Variants in TMEM17 observed in about 807,000 individuals in gnomAD.
The protein encoded by TMEM17 is transmembrane protein 17.
In TMEM17, 15 loss-of-function variants were observed where a neutral mutation model predicts 19.1. The ratio of observed to expected loss-of-function variants is 0.78; its 90% CI spans 0.52 to 1.21. The LOEUF (loss-of-function observed/expected upper bound fraction) is 1.21, where lower values mean the gene tolerates loss of function less well. TMEM17 is among the 50% of genes most tolerant of loss of function. The pLI is 0.00. For synonymous variants in TMEM17, 103 were observed against 86.9 expected (o/e 1.19, Z -1.03); for missense variants, 245 against 242.3 (o/e 1.01, Z -0.07).
the TMEM17 span, among the ~76,000 whole-genome samples, chr2:62,486,444 T>C: frequency 5.9e-5 from 9 of 152,188 alleles, no homozygotes; most frequent in Non-Finnish European, 1.0e-4. Context: ...CTGGAGGCCC[T>C]CTGATGAGAT....
chr2:62,500,143 T>C (rs1341447449), downstream of TMEM17: 1 of 152,224 alleles, frequency 6.6e-6, no homozygotes, highest in African/African-American at 2.4e-5. Flanking sequence ...GGATTTGTTT[T>C]CCTTCCTTCT....
downstream of TMEM17, among the ~76,000 whole-genome samples, chr2:62,498,851 G>C (rs969101540): frequency 6.6e-6 from 1 of 152,050 alleles, no homozygotes; most frequent in African/African-American, 2.4e-5. Flanking sequence ...ATCCTTAGAA[G>C]GATATAATAT....
intron 3 of TMEM17, 100 bp from the exon 4 acceptor site, chr2:62,501,587 G>C (rs1282080231): frequency 1.5e-5 from 18 of 1,172,720 alleles, no homozygotes; most frequent in Middle Eastern, 2.2e-4. Flanking sequence ...CTACATTATG[G>C]GCTCTGTGAG....
rs893800232 is a variant in TMEM17, at chr2:62,501,340, C to G, written c.466G>C (p.Val156Leu). Residue 156 changes from valine (V) to leucine (L), a missense_variant, in exon 4 of 4, where the codon GTT becomes CTT. By Grantham distance (32) the Val-to-Leu change is conservative. Coordinates refer to ENST00000335390, the MANE Select transcript of TMEM17 (RefSeq NM_198276.3). ...IFTLFLAFQV[V>L]AAFLTLRKMV... The stretch of plus-strand genomic sequence containing the variant: ...TTCCTTAAGGTAAGAAATGCTGCAA[C>G]AACTTGGAAAGCAAGGAAGAGAGTG... The G allele has an allele frequency of 3.1e-6, 5 of 1,614,068 alleles. No homozygotes were observed. The Admixed American group carries it at 6.7e-5, about 22-fold the overall frequency.
In TMEM17 at chr2:62,506,156, C is replaced by T; in HGVS notation, c.-27G>A. 6.3e-7 allele frequency: 1 copy of T among 1,580,214 alleles called. No homozygotes were observed. Among genetic ancestry groups the T allele is most frequent in the Non-Finnish European group, 8.6e-7 (1 of 1,163,096 alleles). On this transcript the variant is annotated 5_prime_UTR_variant, in exon 1 of 4. Transcript: ENST00000335390. ...CCTGGGCCTCAGTATCCCTCACCCCCTCAGACACGGGCTAGTCTGCGGGCG... is the reference window on the plus strand; with the variant it reads ...CCTGGGCCTCAGTATCCCTCACCCCTTCAGACACGGGCTAGTCTGCGGGCG...
chr2:62,475,526 C>T, the TMEM17 span, among the ~76,000 whole-genome samples: 4 of 152,208 alleles, frequency 2.6e-5, no homozygotes, highest in East Asian at 1.9e-4. Flanking sequence ...TTGTCACCTC[C>T]GTGAGAGAAA....
chr2:62,468,405 C>T, the TMEM17 span, among the ~76,000 whole-genome samples: 5 of 152,340 alleles, frequency 3.3e-5, no homozygotes, highest in Non-Finnish European at 4.4e-5. Context: ...CCCACATCTT[C>T]GTTTGACATT....
At chr2:62,461,494 C>A in the TMEM17 span, among the ~76,000 whole-genome samples, 1 of 152,212 alleles carries the variant, frequency 6.6e-6, no homozygotes, top group Non-Finnish European at 1.5e-5. Flanking sequence ...CCATCCCACA[C>A]TGACTGGCAG....
chr2:62,483,341 G>A, the TMEM17 span, among the ~76,000 whole-genome samples: 429 of 152,286 alleles, frequency 2.8e-3, 2 homozygotes, highest in African/African-American at 9.8e-3. Context: ...AGCAAAAGTC[G>A]CTAGATTTTG....
At chr2:62,454,479 G>A in the TMEM17 span, among the ~76,000 whole-genome samples, 8 of 152,142 alleles carry the variant, frequency 5.3e-5, no homozygotes, top group African/African-American at 1.9e-4. Flanking sequence ...TATAGCTGCG[G>A]TACAGGATGG....
the TMEM17 span, among the ~76,000 whole-genome samples, chr2:62,456,074 G>T: frequency 6.6e-6 from 1 of 152,224 alleles, no homozygotes; most frequent in African/African-American, 2.4e-5. Context: ...TTCCCTGGGA[G>T]GTGTAGAGGT....
chr2:62,505,904 C>G, intron 1 of TMEM17, 126 bp downstream of exon 1: 1 of 970,992 alleles, frequency 1.0e-6, no homozygotes, highest in South Asian at 1.5e-5. Context: ...AGGCGCTCTC[C>G]CGCACTGCGG....
At chr2:62,486,398 C>T in the TMEM17 span, among the ~76,000 whole-genome samples, 37,941 of 152,090 alleles carry the variant, frequency 0.25, 4,922 homozygotes, top group African/African-American at 0.32. Flanking sequence ...CAGAGGAAAA[C>T]AATTTTAAAA....
At chr2:62,479,308 G>A in the TMEM17 span, among the ~76,000 whole-genome samples, 1 of 152,114 alleles carries the variant, frequency 6.6e-6, no homozygotes, top group Non-Finnish European at 1.5e-5. Flanking sequence ...TATGAAGGGG[G>A]ACATGCAGGG....
In TMEM17 at chr2:62,501,379, T is replaced by C. The variant is rs1319071231; in HGVS notation, c.427A>G (p.Ile143Val). 1.2e-6 allele frequency: 2 copies of C among 1,614,202 alleles called. No individual in the cohort carries two copies. The highest frequency in any genetic ancestry group is 1.3e-5 in the African/African-American group (1 of 75,062). The change falls in exon 4 of 4, where the codon ATA (isoleucine) becomes GTA (valine). Residue 143 changes from isoleucine to valine, a missense_variant. Coordinates refer to ENST00000335390, the MANE Select transcript of TMEM17 (RefSeq NM_198276.3). ...AGGAAGAGAGTGAAGATGATATGTA[T>C]CGCTTTTTCCAAGGGCAGATTTGTT... ...GLTNLPLEKAIHIIFTLFLAF... is the reference protein window; with the variant it reads ...GLTNLPLEKAVHIIFTLFLAF...
the TMEM17 span, among the ~76,000 whole-genome samples, chr2:62,493,578 T>G: frequency 6.6e-6 from 1 of 152,184 alleles, no homozygotes; most frequent in Non-Finnish European, 1.5e-5. Flanking sequence ...TATATACTAG[T>G]GAACTTTTTG....
the TMEM17 span, among the ~76,000 whole-genome samples, chr2:62,457,186 G>C: frequency 6.6e-6 from 1 of 152,232 alleles, no homozygotes; most frequent in African/African-American, 2.4e-5. The surrounding 1 kb of genome is among the most constrained non-coding windows in gnomAD (Gnocchi z 4.2). Flanking sequence ...CGGCGACCCC[G>C]GGCGCCGCTG....
chr2:62,502,975 T>C (rs1233559243), intron 1 of TMEM17, among the ~76,000 whole-genome samples, 181 bp from the exon 2 acceptor site: 2 of 152,206 alleles, frequency 1.3e-5, no homozygotes, highest in African/African-American at 4.8e-5. Context: ...AGGTCAAATA[T>C]TGGCTATTTG....
the TMEM17 span, among the ~76,000 whole-genome samples, chr2:62,490,979 T>C: frequency 1.4e-5 from 2 of 143,040 alleles, no homozygotes; most frequent in African/African-American, 5.2e-5. Flanking sequence ...CTAGGGAGGC[T>C]GAGGCAGGAG....
Sources: allele counts gnomAD v4.1 joint callset (sites outside exome capture counted in the v4.1 genomes callset), GRCh38; gene constraint gnomAD v4.1.1; non-coding constraint Gnocchi (gnomAD v3.1); transcripts MANE v1.5; gene names NCBI Gene and HGNC (gene_info 2026-07-23, HGNC 2026-07-21).